The following ANO1 variants were observed in gnomAD, a reference collection of about 807,000 sequenced individuals.
ANO1 encodes the protein anoctamin-1.
In ANO1, 59 loss-of-function variants were observed where a neutral mutation model predicts 124.0. The ratio of observed to expected loss-of-function variants is 0.48; its 90% CI spans 0.39 to 0.59. ANO1 has a LOEUF of 0.59. Among genes scored for constraint, ANO1 ranks in the 20% least tolerant of loss-of-function variants. The pLI is 0.00. For missense variants in ANO1, 1,059 were observed against 1,328.0 expected, an observed-to-expected ratio of 0.80 and a Z score of 3.15; for synonymous variants, 529 against 532.0, an observed-to-expected ratio of 0.99 and a Z score of 0.08.
intron 1 of ANO1, among the ~76,000 whole-genome samples, chr11:70,017,354 C>A (rs563057528): frequency 1.3e-5 from 2 of 152,278 alleles, no homozygotes; most frequent in East Asian, 3.9e-4. Flanking sequence ...GAGCGTGTTT[C>A]CCATTTTGAT....
chr11:69,983,487 A>G (rs1428335169), upstream of ANO1, among the ~76,000 whole-genome samples: 1 of 152,192 alleles, frequency 6.6e-6, no homozygotes, highest in African/African-American at 2.4e-5. Flanking sequence ...GTTGACATAA[A>G]TATCTTCCTG....
At chr11:70,043,371 G>A (rs879984236) in intron 1 of ANO1, among the ~76,000 whole-genome samples, 8 of 152,140 alleles carry the variant, frequency 5.3e-5, no homozygotes, top group Non-Finnish European at 1.0e-4. Context: ...ACATACCTGT[G>A]CTAAAAGTCC....
chr11:70,163,283 G>T lies in ANO1; in HGVS notation c.1893G>T (p.Arg631=). The part of the protein sequence containing the change: ...PIFYVAFFKG[R]FVGRPGDYVY... ...CTAACGACCTCCCCCATCGTTTCAG[G>T]TTTGTTGGACGCCCGGGCGACTACG... Residue 631 remains arginine, a splice_region_variant and synonymous_variant, in exon 19 of 26, where the codon CGG becomes CGT. Transcript: ENST00000355303. 6 of 1,613,472 alleles carry T rather than the reference G, an allele frequency of 3.7e-6. No individual in the cohort carries two copies. Among genetic ancestry groups the T allele is most frequent in the Non-Finnish European group, 5.1e-6 (6 of 1,179,850 alleles).
intron 1 of ANO1, among the ~76,000 whole-genome samples, chr11:69,994,112 C>CT (rs1554998017): frequency 6.7e-6 from 1 of 149,444 alleles, no homozygotes; most frequent in African/African-American, 2.5e-5. Flanking sequence ...AACCCCCCCC[C>CT]ACAGTCACAG....
chr11:69,976,316 T>C, the ANO1 span, among the ~76,000 whole-genome samples: 1 of 151,954 alleles, frequency 6.6e-6, no homozygotes, highest in African/African-American at 2.4e-5. Context: ...GAGACCATCC[T>C]GGCTAACACG....
intron 1 of ANO1, among the ~76,000 whole-genome samples, chr11:70,039,274 G>T (rs1282242548): frequency 6.6e-6 from 1 of 152,142 alleles, no homozygotes; most frequent in Non-Finnish European, 1.5e-5. Flanking sequence ...ATAAGAAAAA[G>T]CAACTAATGA....
rs1020764766 is a variant in ANO1, at chr11:70,095,374, G to A, written c.441+7290G>A. Reference sequence around the variant, plus strand: ...AGAAAGAAAGAAAGAAAGAAAGAAAGAAAGAAAGAAAGAAAGAAAGAAAGA... The same window carrying A: ...AGAAAGAAAGAAAGAAAGAAAGAAAAAAAGAAAGAAAGAAAGAAAGAAAGA... On this transcript the variant is annotated intron_variant, in intron 2 of 25. Coordinates refer to ENST00000355303, the MANE Select transcript of ANO1 (RefSeq NM_018043.7). 9.1e-5 allele frequency among the ~76,000 whole-genome samples: 3 copies of A among 32,962 alleles called. 1 individual carries two copies. The highest frequency in any genetic ancestry group is 2.2e-4 in the Non-Finnish European group (3 of 13,534). 21.6% of individuals were successfully genotyped at this position (32,962 alleles called of 152,430 possible).
At chr11:70,134,400 G>A (rs1453754526) in intron 11 of ANO1, among the ~76,000 whole-genome samples, 1 of 152,072 alleles carries the variant, frequency 6.6e-6, no homozygotes, top group Admixed American at 6.6e-5. Flanking sequence ...TTTCTATAGC[G>A]CCCCCGGGGC....
intron 1 of ANO1, among the ~76,000 whole-genome samples, chr11:70,038,179 C>T (rs1370550088): frequency 6.6e-6 from 1 of 152,214 alleles, no homozygotes; most frequent in Non-Finnish European, 1.5e-5. Context: ...TCTGACTTGA[C>T]CTGGCATTCT....
At chr11:70,127,082 T>G (rs2046549500) in intron 10 of ANO1, among the ~76,000 whole-genome samples, 1 of 132,742 alleles carries the variant, frequency 7.5e-6, no homozygotes, top group African/African-American at 2.7e-5. Flanking sequence ...TTGCGGGAAG[T>G]GAGACATGAA....
At chr11:70,122,189 T>TATC (rs2046316349) in intron 8 of ANO1, among the ~76,000 whole-genome samples, 3 of 67,482 alleles carry the variant, frequency 4.4e-5, no homozygotes, top group East Asian at 4.4e-4. Context: ...CTGTCTGTCT[T>TATC]TCTGTCTCTC....
At chr11:69,977,191 G>C in the ANO1 span, among the ~76,000 whole-genome samples, 1 of 152,216 alleles carries the variant, frequency 6.6e-6, no homozygotes, top group Non-Finnish European at 1.5e-5. Flanking sequence ...TGTCACCCAA[G>C]TTGTCATACC....
chr11:70,078,141 A>G (rs1224219091), upstream of ANO1, among the ~76,000 whole-genome samples: 1 of 152,158 alleles, frequency 6.6e-6, no homozygotes, highest in Non-Finnish European at 1.5e-5. Flanking sequence ...AAAACCCTCA[A>G]AAATCCAAAG....
At position 69,987,950 on chromosome 11, in the gene ANO1, G is replaced by A. The variant is rs372748422; in HGVS notation, c.58+1784G>A. ...AGAGCAGGCCTTTCCTGTCCACCCC[G>A]CTGCACCTCGGCTGTGTGTGGGGTG... On this transcript the variant is annotated intron_variant, in intron 1 of 27. Coordinates refer to the ANO1 transcript ENST00000531349. Among the ~76,000 whole-genome samples the A allele has an allele frequency of 3.6e-4, 55 of 152,278 alleles. 1 individual carries two copies. The South Asian group carries it at 0.011, about 30-fold the overall frequency.
At chr11:70,139,908 G>A (rs112273110) in intron 11 of ANO1, among the ~76,000 whole-genome samples, 4,037 of 152,304 alleles carry the variant, frequency 0.027, 177 homozygotes, top group African/African-American at 0.092. Context: ...TGCTGAACAC[G>A]TGCCTTGCTT....
At chr11:70,033,381 C>T (rs1274158792) in intron 1 of ANO1, among the ~76,000 whole-genome samples, 4 of 152,206 alleles carry the variant, frequency 2.6e-5, no homozygotes, top group Admixed American at 6.5e-5. Flanking sequence ...TGATTCACTT[C>T]GCCACTGAGT....
At position 70,171,148 on chromosome 11, in the gene ANO1, T is replaced by C. The variant is rs2048455877; in HGVS notation, c.2350+109T>C. On this transcript the variant is annotated intron_variant, in intron 22 of 25. Transcript: ENST00000355303. ...GCCAGAGCTGGCCAGGTGTCCCTCC[T>C]GGGGCTCTTCACTCAGCCTTTGCCG... 8.4e-6 allele frequency: 12 copies of C among 1,422,912 alleles called. No individual in the cohort carries two copies. In the South Asian group the frequency reaches 1.5e-4, roughly 18 times the overall value. 88.1% of individuals were successfully genotyped at this position (1,422,912 alleles called of 1,614,324 possible).
At chr11:70,140,664 A>G (rs904207318) in intron 11 of ANO1, among the ~76,000 whole-genome samples, 1 of 152,200 alleles carries the variant, frequency 6.6e-6, no homozygotes, top group Non-Finnish European at 1.5e-5. Flanking sequence ...TATGTAGAGG[A>G]TAACAAAGAA....
intron 1 of ANO1, chr11:70,014,806 T>G (rs1856670980): frequency 6.6e-6 from 1 of 151,568 alleles, no homozygotes; most frequent in African/African-American, 2.4e-5. Context: ...AGTACTTGTT[T>G]GTCCTTTTTT....
Sources: gnomAD v4.1 joint callset for allele counts (sites outside exome capture counted in the v4.1 genomes callset) on GRCh38, gnomAD v4.1.1 for gene constraint, MANE v1.5 for transcripts, NCBI Gene and HGNC (gene_info 2026-07-23, HGNC 2026-07-21) for gene names.